LITAF: variants seen among roughly 807,000 people sequenced by gnomAD.
The protein encoded by LITAF is lipopolysaccharide induced TNF factor, also known as lipopolysaccharide-induced tumor necrosis factor-alpha factor.
A neutral mutation model predicts 14.5 loss-of-function variants in LITAF; 9 were observed. The ratio of observed to expected loss-of-function variants is 0.62; its 90% CI spans 0.37 to 1.08. The LOEUF is 1.08. LITAF is among the 50% of genes least tolerant of loss of function. LITAF has a pLI of 0.01. For synonymous variants in LITAF, 98 were observed against 88.2 expected (o/e 1.11, Z -0.62); for missense variants, 206 against 213.4 (o/e 0.97, Z 0.22).
At chr16:11,563,938 ACT>A (rs2064412556) in intron 1 of LITAF, among the ~76,000 whole-genome samples, 1 of 151,816 alleles carries the variant, frequency 6.6e-6, no homozygotes, top group Non-Finnish European at 1.5e-5. Context: ...ACAGAGTCTC[ACT>A]CTGTTACCCA....
At chr16:11,613,777 C>A (rs72781049) in intron 3 of LITAF, among the ~76,000 whole-genome samples, 1 of 152,146 alleles carries the variant, frequency 6.6e-6, no homozygotes, top group Non-Finnish European at 1.5e-5. Flanking sequence ...ACAGAGGTGG[C>A]TGGGGCAAAG....
rs1333738231 is a variant in LITAF at position 11,547,975 on chromosome 16, C to A, written c.*1662G>T. On this transcript the variant is annotated 3_prime_UTR_variant, in exon 4 of 4. Transcript: ENST00000622633. ...AAATGCAACATGAGCCCTTTCTTCA[C>A]ACCAAAAGAACTCATAAATAGTTCA... 2.2e-6 allele frequency: 1 copy of A among 454,096 alleles called. No individual in the cohort carries two copies. The allele number at this position is 454,096 out of a possible 1,614,324, so 28.1% of individuals were successfully genotyped here. A position where few individuals can be genotyped will look rare whatever the true frequency, so the allele number is the denominator to read the frequency against.
chr16:11,558,407 A>C lies in LITAF; in HGVS notation c.-5-1672T>G, dbSNP rs1057278450. On this transcript the variant is annotated intron_variant, in intron 1 of 3. Transcript: ENST00000622633. The surrounding 1 kb of genome is among the most constrained non-coding windows in gnomAD (Gnocchi z 4.1). ...CAACATGGTGAGACCCCCATCTCTAAAACAAAACAAAACAAAAGGGCTGGG... is the reference window on the plus strand; with the variant it reads ...CAACATGGTGAGACCCCCATCTCTACAACAAAACAAAACAAAAGGGCTGGG... Among the ~76,000 whole-genome samples, 1 of 151,932 alleles carries C rather than the reference A, an allele frequency of 6.6e-6. No homozygotes were observed. Among genetic ancestry groups the C allele is most frequent in the African/African-American group, 2.4e-5 (1 of 41,248 alleles).
intron 1 of LITAF, among the ~76,000 whole-genome samples, chr16:11,592,944 G>A (rs2064856666): frequency 6.6e-6 from 1 of 152,134 alleles, no homozygotes; most frequent in South Asian, 2.1e-4. Context: ...GCCGAGGTGG[G>A]TTGATCACGA....
intron 3 of LITAF, among the ~76,000 whole-genome samples, chr16:11,626,714 C>T (rs1187637027): frequency 1.3e-5 from 2 of 151,884 alleles, no homozygotes; most frequent in South Asian, 2.1e-4. Context: ...TCAGGTGATC[C>T]GCCCACCTTG....
Position 11,547,910 on chromosome 16 carries a change from C to T in LITAF, c.*1727G>A, listed in dbSNP as rs750446420. On this transcript the variant is annotated 3_prime_UTR_variant, in exon 4 of 4. Transcript: ENST00000622633. ...TTTTTAATCGGGAAGGATTTTCTAC[C>T]GTTACTGAACAAATAAAGGTTCTTT... 2.0e-5 allele frequency: 9 copies of T among 453,896 alleles called. No individual in the cohort carries two copies. The highest frequency in any genetic ancestry group is 9.3e-5 in the South Asian group (6 of 64,470). 28.1% of individuals were successfully genotyped at this position (453,896 alleles called of 1,614,324 possible). A position where few individuals can be genotyped will look rare whatever the true frequency, so the allele number is the denominator to read the frequency against.
chr16:11,601,674 A>G (rs2064929208), upstream of LITAF, among the ~76,000 whole-genome samples: 1 of 151,976 alleles, frequency 6.6e-6, no homozygotes, highest in Non-Finnish European at 1.5e-5. Context: ...GGCTCAATCA[A>G]TCCTCCCCTG....
chr16:11,565,006 C>CTTT (rs34798243), intron 1 of LITAF, among the ~76,000 whole-genome samples: 41,951 of 136,210 alleles, frequency 0.31, 7,405 homozygotes, highest in Non-Finnish European at 0.39. Context: ...ACTGAATTAT[C>CTTT]TTTTTTTTTT....
intron 1 of LITAF, among the ~76,000 whole-genome samples, chr16:11,583,585 T>G (rs145897352): frequency 2.1e-3 from 317 of 152,346 alleles, no homozygotes; most frequent in African/African-American, 6.9e-3. Context: ...TATAAGATTA[T>G]GCCTTTCTTC....
At chr16:11,610,054 T>G (rs953057887) in intron 3 of LITAF, among the ~76,000 whole-genome samples, 6 of 152,086 alleles carry the variant, frequency 3.9e-5, no homozygotes, top group African/African-American at 1.4e-4. Context: ...CCCACCCTAG[T>G]CCCCACTGCT....
At chr16:11,613,224 G>C (rs545283314) in intron 3 of LITAF, among the ~76,000 whole-genome samples, 6 of 152,196 alleles carry the variant, frequency 3.9e-5, no homozygotes, top group African/African-American at 1.4e-4. Flanking sequence ...ATTTTTAGTA[G>C]AGATGGGGTT....
chr16:11,552,155 C>T (rs11860303), intron 3 of LITAF, among the ~76,000 whole-genome samples: 4,008 of 152,226 alleles, frequency 0.026, 166 homozygotes, highest in African/African-American at 0.087. Flanking sequence ...TGTGGAGGAA[C>T]GTGCCGGTTG....
Position 11,584,143 on chromosome 16 carries a change from A to G in LITAF, c.-6+2743T>C, listed in dbSNP as rs372572169. Reference sequence around the variant, plus strand: ...TGGCCAAACAGACCCGGGAGACGTCAAAAATATGTGTGCTAAAGAAACACA... The same window carrying G: ...TGGCCAAACAGACCCGGGAGACGTCGAAAATATGTGTGCTAAAGAAACACA... On this transcript the variant is annotated intron_variant, in intron 1 of 3. Transcript: ENST00000622633. The G allele has an allele frequency of 3.9e-5, 6 of 152,354 alleles. No homozygotes were observed. The East Asian group carries it at 9.6e-4, about 24-fold the overall frequency. 9.4% of individuals were successfully genotyped at this position (152,354 alleles called of 1,614,324 possible). A position where few individuals can be genotyped will look rare whatever the true frequency, so the allele number is the denominator to read the frequency against.
At chr16:11,623,243 G>T (rs1392361230) in intron 3 of LITAF, among the ~76,000 whole-genome samples, 2 of 151,758 alleles carry the variant, frequency 1.3e-5, no homozygotes, top group East Asian at 3.9e-4. Flanking sequence ...TTACAGGCAT[G>T]AGCCACCGCG....
At chr16:11,583,852 C>T (rs1287995267) in intron 1 of LITAF, among the ~76,000 whole-genome samples, 1 of 152,168 alleles carries the variant, frequency 6.6e-6, no homozygotes, top group Non-Finnish European at 1.5e-5. Context: ...AGAGAATTAC[C>T]ATCACATAGA....
intron 1 of LITAF, among the ~76,000 whole-genome samples, chr16:11,593,652 G>T (rs2064862827): frequency 6.6e-6 from 1 of 152,156 alleles, no homozygotes; most frequent in Non-Finnish European, 1.5e-5. Context: ...GACCATAAAA[G>T]AATTGAATGA....
intron 3 of LITAF, among the ~76,000 whole-genome samples, chr16:11,614,308 T>C (rs1474150483): frequency 6.7e-6 from 1 of 149,868 alleles, no homozygotes; most frequent in African/African-American, 2.5e-5. Flanking sequence ...CTTTTTTTTT[T>C]TTTTTTCTTG....
At chr16:11,555,049 G>A (rs1286990802) in intron 2 of LITAF, among the ~76,000 whole-genome samples, 5 of 151,700 alleles carry the variant, frequency 3.3e-5, no homozygotes, top group African/African-American at 1.2e-4. Context: ...TTTTTGGCAG[G>A]GGGGACAAGG....
chr16:11,637,926 CTATATCTATATCTATATATCTA>C (rs2065145397), upstream of LITAF, among the ~76,000 whole-genome samples: 3 of 68,088 alleles, frequency 4.4e-5, 1 homozygote, highest in Non-Finnish European at 8.0e-5. Context: ...ATATCTATAT[CTATATCTATATCTATATATCTA>C]TATATATCTA....
Sources: gnomAD v4.1 joint callset for allele counts (sites outside exome capture counted in the v4.1 genomes callset) on GRCh38, gnomAD v4.1.1 for gene constraint, Gnocchi (gnomAD v3.1) non-coding constraint, MANE v1.5 for transcripts, NCBI Gene and HGNC (gene_info 2026-07-23, HGNC 2026-07-21) for gene names.